The following SPNS2 variants were observed in gnomAD, a reference collection of about 807,000 sequenced individuals.
SPNS2 encodes sphingosine-1-phosphate transporter SPNS2.
Under a neutral mutation model 57.6 loss-of-function variants are expected in SPNS2, and 37 were observed. The ratio of observed to expected loss-of-function variants is 0.64; its 90% CI spans 0.49 to 0.85. The LOEUF (loss-of-function observed/expected upper bound fraction) is 0.85. SPNS2 is among the 40% of genes least tolerant of loss of function. The pLI is 0.00. For synonymous variants in SPNS2, 440 were observed against 346.9 expected, an observed-to-expected ratio of 1.27 and a Z score of -2.98; for missense variants, 831 against 779.1, an observed-to-expected ratio of 1.07 and a Z score of -0.79.
chr17:4,537,304 A>AGCTTCCC (rs1055780954), intron 12 of SPNS2, 149 bp from the exon 13 acceptor site: 33 of 429,458 alleles, frequency 7.7e-5, no homozygotes, highest in Non-Finnish European at 1.4e-4. Flanking sequence ...TGGGAGTTAT[A>AGCTTCCC]GCTTCCCAGC....
Position 4,499,872 on chromosome 17 carries a change from C to A in SPNS2, c.370+455C>A, listed in dbSNP as rs376242835. ...CTTCCTTTCTCCGCCGCCTCCACCC[C>A]CCTGCGTGCGTGCGGCGAGTGCGCG... On this transcript the variant is annotated intron_variant, in intron 1 of 12. Transcript: ENST00000329078. The surrounding 1 kb of genome is among the most constrained non-coding windows in gnomAD (Gnocchi z 5.2). Among the ~76,000 whole-genome samples, 16 of 152,324 alleles carry A rather than the reference C, an allele frequency of 1.1e-4. No homozygotes were observed. The East Asian group carries it at 1.2e-3, about 11-fold the overall frequency.
At position 4,511,343 on chromosome 17, in the gene SPNS2, GA is replaced by G. The variant is rs1412060257; in HGVS notation, c.371-1902del. Reference sequence around the variant, plus strand: ...TGGTTGACGGAGTTGTACCAGAATAGAAGAGGAAGTGTGCAGAGTCAGGGGG... The same window carrying G: ...TGGTTGACGGAGTTGTACCAGAATAGAGAGGAAGTGTGCAGAGTCAGGGGG... On this transcript the variant is annotated intron_variant, in intron 1 of 12. Coordinates refer to ENST00000329078, the MANE Select transcript of SPNS2 (RefSeq NM_001124758.3). This position sits in a 1 kb window ranked among gnomAD's most constrained non-coding sequence, Gnocchi z 4.6. 6.6e-6 allele frequency among the ~76,000 whole-genome samples: 1 copy of G among 152,250 alleles called. No homozygotes were observed. Among genetic ancestry groups the G allele is most frequent in the Non-Finnish European group, 1.5e-5 (1 of 68,040 alleles).
chr17:4,532,585 T>G lies in SPNS2; in HGVS notation c.836T>G (p.Ile279Ser). ...LGMITGTLIL[I>S]LVPATKRGHA... The stretch of plus-strand genomic sequence containing the variant: ...ATGATCACAGGAACACTCATCCTCA[T>G]TCTGGTCCCAGCCACTAAAAGGGGT... Residue 279 changes from isoleucine to serine, a missense_variant, in exon 6 of 13, where the codon ATT becomes AGT. Around this residue, in one of 2 missense-constraint regions of SPNS2, gnomAD observed 526 missense variants for 400.9 expected, o/e 1.31. Coordinates refer to ENST00000329078, the MANE Select transcript of SPNS2 (RefSeq NM_001124758.3). 6.2e-7 allele frequency: 1 copy of G among 1,614,078 alleles called. No individual in the cohort carries two copies. Among genetic ancestry groups the G allele is most frequent in the Non-Finnish European group, 8.5e-7 (1 of 1,180,008 alleles).
rs765176525 is a variant in SPNS2 at position 4,523,733 on chromosome 17, CTG to C, written c.437-1322_437-1321del. On this transcript the variant is annotated intron_variant, in intron 2 of 12. Coordinates refer to ENST00000329078, the MANE Select transcript of SPNS2 (RefSeq NM_001124758.3). ...CTCTAGCATGGGTGATAGAGTGAGA[CTG>C]TTGTCTCAAAAAATATAAAATCGTG... Among the ~76,000 whole-genome samples the C allele has an allele frequency of 1.2e-4, 18 of 152,324 alleles. No homozygotes were observed. The East Asian group carries it at 2.9e-3, about 24-fold the overall frequency.
chr17:4,524,370 A>G (rs916982569), intron 2 of SPNS2, among the ~76,000 whole-genome samples: 1 of 152,184 alleles, frequency 6.6e-6, no homozygotes, highest in Non-Finnish European at 1.5e-5. Flanking sequence ...AAGATACGTA[A>G]TACATGAGAT....
Position 4,532,992 on chromosome 17 carries a change from C to T in SPNS2, c.951C>T (p.Phe317=). The T allele has an allele frequency of 1.2e-6, 2 of 1,612,602 alleles. No individual in the cohort carries two copies. The highest frequency in any genetic ancestry group is 1.7e-6 in the Non-Finnish European group (2 of 1,179,566). The change falls in exon 7 of 13, where the codon TTC becomes TTT. Residue 317 remains phenylalanine (F), a synonymous_variant. Transcript: ENST00000329078. ...KALIRNRSYV[F]SSLATSAVSF... ...CTCTCCCCAGCCGCAGCTACGTCTT[C>T]TCCTCCCTGGCCACGTCGGCTGTCT...
chr17:4,531,467 C>G (rs888355894), intron 5 of SPNS2, among the ~76,000 whole-genome samples: 8 of 152,184 alleles, frequency 5.3e-5, no homozygotes, highest in African/African-American at 1.9e-4. Flanking sequence ...AGCCCTGGCG[C>G]TGTGCTAGGG....
In SPNS2 at chr17:4,537,567, C is replaced by T. The variant is rs1189837879; in HGVS notation, c.*119C>T. 3 of 456,786 alleles carry T rather than the reference C, an allele frequency of 6.6e-6. No individual in the cohort carries two copies. Among genetic ancestry groups the T allele is most frequent in the East Asian group, 6.9e-5 (1 of 14,396 alleles). 28.3% of individuals were successfully genotyped at this position (456,786 alleles called of 1,614,324 possible). A position where few individuals can be genotyped will look rare whatever the true frequency, so the allele number is the denominator to read the frequency against. On this transcript the variant is annotated 3_prime_UTR_variant, in exon 13 of 13. Coordinates refer to ENST00000329078, the MANE Select transcript of SPNS2 (RefSeq NM_001124758.3). ...TTCTGTGTGATCCACGGCTAGGCAC[C>T]CACCCTCTCTGGCCCAGGCCTGCTG...
At chr17:4,505,960 A>G (rs1437667673) in intron 1 of SPNS2, among the ~76,000 whole-genome samples, 1 of 152,214 alleles carries the variant, frequency 6.6e-6, no homozygotes, top group Non-Finnish European at 1.5e-5. Context: ...AAAGAGCAGG[A>G]TCAGGCTTTG....
rs1195622818 is a variant in SPNS2 at position 4,499,998 on chromosome 17, G to A, written c.370+581G>A. 6.6e-6 allele frequency among the ~76,000 whole-genome samples: 1 copy of A among 152,192 alleles called. No individual in the cohort carries two copies. Among genetic ancestry groups the A allele is most frequent in the Non-Finnish European group, 1.5e-5 (1 of 68,028 alleles). ...TGACAAAGGCTCCGGGCTGCGGGGAGCGGAGGGAGGGGCGGGGCGGGTCCG... is the reference window on the plus strand; with the variant it reads ...TGACAAAGGCTCCGGGCTGCGGGGAACGGAGGGAGGGGCGGGGCGGGTCCG... On this transcript the variant is annotated intron_variant, in intron 1 of 12. Transcript: ENST00000329078. The surrounding 1 kb of genome is among the most constrained non-coding windows in gnomAD (Gnocchi z 5.2).
chr17:4,516,559 T>C (rs2144329777), intron 2 of SPNS2, among the ~76,000 whole-genome samples: 1 of 152,076 alleles, frequency 6.6e-6, no homozygotes, highest in South Asian at 2.1e-4. Flanking sequence ...TGTGGGAGCC[T>C]GGGTGGACGG....
chr17:4,521,079 T>C (rs1310840606), intron 2 of SPNS2, among the ~76,000 whole-genome samples: 1 of 152,154 alleles, frequency 6.6e-6, no homozygotes, highest in Non-Finnish European at 1.5e-5. Flanking sequence ...CACCACCGCC[T>C]CCGGGAAGCC....
At chr17:4,518,560 T>C (rs951124518) in intron 2 of SPNS2, among the ~76,000 whole-genome samples, 1 of 152,182 alleles carries the variant, frequency 6.6e-6, no homozygotes, top group African/African-American at 2.4e-5. Flanking sequence ...AAAAGATGTG[T>C]GTCTCAGGAT....
intron 9 of SPNS2, chr17:4,534,264 C>T (rs1247725473): frequency 3.8e-6 from 1 of 262,386 alleles, no homozygotes; most frequent in Non-Finnish European, 7.6e-6. Context: ...CGGACAGAGG[C>T]TGTCTTCACA....
chr17:4,518,799 C>T (rs1362311740), intron 2 of SPNS2, among the ~76,000 whole-genome samples: 1 of 152,198 alleles, frequency 6.6e-6, no homozygotes. Context: ...CCCAGCGACT[C>T]CTGCTTCAGC....
chr17:4,516,800 T>C (rs533113711), intron 2 of SPNS2, among the ~76,000 whole-genome samples: 1 of 152,340 alleles, frequency 6.6e-6, no homozygotes, highest in African/African-American at 2.4e-5. Context: ...AATTCCCAGA[T>C]GCCAGAAGCA....
At chr17:4,535,362 G>A (rs118097965) in intron 9 of SPNS2, among the ~76,000 whole-genome samples, 11 of 152,302 alleles carry the variant, frequency 7.2e-5, no homozygotes, top group East Asian at 1.9e-4. Context: ...CAGGCCAGTC[G>A]AGGCCTGGCT....
intron 12 of SPNS2, 75 bp from the exon 13 acceptor site, chr17:4,537,378 A>C (rs1031633005): frequency 2.6e-5 from 10 of 391,796 alleles, no homozygotes; most frequent in Non-Finnish European, 4.6e-5. Context: ...AACAGCAAGA[A>C]AAGGGAAGGA....
Position 4,536,094 on chromosome 17 carries a change from C to A in SPNS2, c.1363C>A (p.Arg455=). The part of the protein sequence containing the change: ...DILMYVVIPT[R]RATAVALQSF... ...TCCGCAGTACGTGGTCATCCCCACGCGGCGCGCCACTGCCGTGGCCTTGCA... is the reference window on the plus strand; with the variant it reads ...TCCGCAGTACGTGGTCATCCCCACGAGGCGCGCCACTGCCGTGGCCTTGCA... Residue 455 remains arginine (R), a synonymous_variant, in exon 10 of 13, where the codon CGG becomes AGG. Transcript: ENST00000329078. 1 of 1,611,974 alleles carries A rather than the reference C, an allele frequency of 6.2e-7. No homozygotes were observed.
Sources: gnomAD v4.1 joint callset for allele counts (sites outside exome capture counted in the v4.1 genomes callset) on GRCh38, gnomAD v4.1.1 for gene constraint, gnomAD v4.1.1 regional missense constraint, Gnocchi (gnomAD v3.1) non-coding constraint, MANE v1.5 for transcripts, NCBI Gene and HGNC (gene_info 2026-07-23, HGNC 2026-07-21) for gene names.